FAM76B: variants seen among roughly 807,000 people sequenced by gnomAD.
FAM76B encodes protein FAM76B.
A neutral mutation model predicts 51.8 loss-of-function variants in FAM76B; 16 were observed. The ratio of observed to expected loss-of-function variants is 0.31; its 90% confidence interval spans 0.21 to 0.47. The LOEUF is 0.47. FAM76B is among the 20% of genes least tolerant of loss of function. The pLI is 1.00. For synonymous variants in FAM76B, 166 were observed against 129.5 expected (o/e 1.28, Z -1.91); for missense variants, 342 against 392.6 (o/e 0.87, Z 1.09).
chr11:95,776,801 TTTTTAATG>T (rs1275487575), intron 8 of FAM76B, among the ~76,000 whole-genome samples: 1 of 151,388 alleles, frequency 6.6e-6, no homozygotes, highest in East Asian at 1.9e-4. Flanking sequence ...TCCAGGTTAT[TTTTTAATG>T]TTTTTCATTA....
In FAM76B at chr11:95,774,491, C is replaced by A. The variant is rs192752714; in HGVS notation, c.930+1431G>T. Among the ~76,000 whole-genome samples, 380 of 151,366 alleles carry A rather than the reference C, an allele frequency of 2.5e-3. 1 individual carries two copies. Among genetic ancestry groups the A allele is most frequent in the African/African-American group, 8.9e-3 (368 of 41,432 alleles). ...AACTGCTCTTTTGAACAGTGGGGAGCACTAAGTTAAAACATATCTGAGCAC... is the reference window on the plus strand; with the variant it reads ...AACTGCTCTTTTGAACAGTGGGGAGAACTAAGTTAAAACATATCTGAGCAC... On this transcript the variant is annotated intron_variant, in intron 9 of 9. Coordinates refer to ENST00000358780, the MANE Select transcript of FAM76B (RefSeq NM_144664.5).
intron 9 of FAM76B, among the ~76,000 whole-genome samples, chr11:95,775,638 CA>C (rs3838347): frequency 0.065 from 9,845 of 151,268 alleles, 405 homozygotes; most frequent in Middle Eastern, 0.13. Context: ...GCTATAAGCC[CA>C]ATAATTAATT....
chr11:95,770,095 A>G lies in FAM76B; in HGVS notation c.*1466T>C, dbSNP rs1328873081. Reference sequence around the variant, plus strand: ...ATGAAGCAAATTTATCTTTGCCCATAAATTATTAAGAGAAGCAACTCACTC... The same window carrying G: ...ATGAAGCAAATTTATCTTTGCCCATGAATTATTAAGAGAAGCAACTCACTC... On this transcript the variant is annotated 3_prime_UTR_variant, in exon 10 of 10. Transcript: ENST00000358780. The G allele has an allele frequency of 6.6e-6, 1 of 151,570 alleles. No homozygotes were observed. The highest frequency in any genetic ancestry group is 2.4e-5 in the African/African-American group (1 of 41,396). The allele number at this position is 151,570 out of a possible 1,614,324, so 9.4% of individuals were successfully genotyped here. A position where few individuals can be genotyped will look rare whatever the true frequency, so the allele number is the denominator to read the frequency against.
chr11:95,776,372 A>AAT (rs1860008606), intron 8 of FAM76B, among the ~76,000 whole-genome samples: 1 of 151,548 alleles, frequency 6.6e-6, no homozygotes, highest in African/African-American at 2.4e-5. Context: ...AATGTACTTC[A>AAT]ATAATAGTAA....
chr11:95,786,327 T>C (rs2120296867), intron 3 of FAM76B, 53 bp from the exon 4 acceptor site: 7 of 1,597,500 alleles, frequency 4.4e-6, no homozygotes, highest in South Asian at 1.1e-5. Flanking sequence ...ATTTGCGGCA[T>C]AGCATATACC....
intron 1 of FAM76B, 64 bp from the exon 2 acceptor site, chr11:95,788,627 G>A (rs1450041046): frequency 5.3e-6 from 8 of 1,505,312 alleles, no homozygotes; most frequent in African/African-American, 1.4e-5. Context: ...TTTTCTGGTA[G>A]AAAACTGTTT....
At chr11:95,773,197 T>C (rs1421826182) in intron 9 of FAM76B, among the ~76,000 whole-genome samples, 1 of 151,136 alleles carries the variant, frequency 6.6e-6, no homozygotes, top group Non-Finnish European at 1.5e-5. Context: ...ATTTGAACAT[T>C]AGGTCTTCAA....
intron 9 of FAM76B, among the ~76,000 whole-genome samples, chr11:95,774,863 A>G (rs1191552096): frequency 6.6e-6 from 1 of 151,300 alleles, no homozygotes; most frequent in Non-Finnish European, 1.5e-5. Context: ...TAATAGTATG[A>G]TAGGGATTAA....
rs1037008629 is a variant in FAM76B, at chr11:95,769,511, T to C, written c.*2050A>G. On this transcript the variant is annotated 3_prime_UTR_variant, in exon 10 of 10. Transcript: ENST00000358780. ...CCATTTTAATGTTAGCTAATATTAA[T>C]ATTCAACTTTTTAATTTTGATGTTA... 6.6e-6 allele frequency: 1 copy of C among 152,168 alleles called. No individual in the cohort carries two copies. Among genetic ancestry groups the C allele is most frequent in the Non-Finnish European group, 1.5e-5 (1 of 67,764 alleles). 9.4% of individuals were successfully genotyped at this position (152,168 alleles called of 1,614,324 possible). A position where few individuals can be genotyped will look rare whatever the true frequency, so the allele number is the denominator to read the frequency against.
intron 1 of FAM76B, 198 bp from the exon 2 acceptor site, chr11:95,788,761 C>G: frequency 7.1e-7 from 1 of 1,399,948 alleles, no homozygotes; most frequent in East Asian, 2.6e-5. Flanking sequence ...GTGTCTTTGT[C>G]TTTAGTAGAC....
At position 95,789,387 on chromosome 11, in the gene FAM76B, C is replaced by T; in HGVS notation, c.87+5G>A. 6.3e-7 allele frequency: 1 copy of T among 1,593,344 alleles called. No homozygotes were observed. The highest frequency in any genetic ancestry group is 1.1e-5 in the South Asian group (1 of 87,836). On this transcript the variant is annotated splice_donor_5th_base_variant and intron_variant, in intron 1 of 9. Coordinates refer to ENST00000358780, the MANE Select transcript of FAM76B (RefSeq NM_144664.5). ...CATCCCGCCCGCCTCCCGGAGCCCA[C>T]GGACCTTGCAGAGCTGCTGGCCCTG...
chr11:95,787,771 C>A, intron 2 of FAM76B, 93 bp from the exon 3 acceptor site: 2 of 1,097,662 alleles, frequency 1.8e-6, no homozygotes, highest in Non-Finnish European at 2.6e-6. Flanking sequence ...ATTTGTTGTA[C>A]TTAAAACTTT....
At chr11:95,773,458 C>CAAAAAAAAA (rs56008636) in intron 9 of FAM76B, among the ~76,000 whole-genome samples, 6 of 127,786 alleles carry the variant, frequency 4.7e-5, no homozygotes, top group East Asian at 2.2e-4. Flanking sequence ...TGCAGCCAGC[C>CAAAAAAAAA]AAAAAAAAAA....
intron 7 of FAM76B, 42 bp from the exon 8 acceptor site, chr11:95,778,999 G>C: frequency 6.2e-7 from 1 of 1,601,808 alleles, no homozygotes; most frequent in Non-Finnish European, 8.5e-7. Context: ...GAAGTAGAAG[G>C]AAAATTAGCA....
At chr11:95,775,350 T>C (rs1051229842) in intron 9 of FAM76B, among the ~76,000 whole-genome samples, 3 of 151,408 alleles carry the variant, frequency 2.0e-5, no homozygotes, top group Admixed American at 6.6e-5. Flanking sequence ...AGTTGTTCTG[T>C]ATACTTAAAC....
At chr11:95,786,434 C>T (rs1860593053) in intron 3 of FAM76B, 160 bp from the exon 4 acceptor site, 4 of 655,562 alleles carry the variant, frequency 6.1e-6, no homozygotes, top group South Asian at 4.9e-5. Flanking sequence ...AACTTTTATA[C>T]CATATTTCTA....
intron 1 of FAM76B, chr11:95,788,809 G>A: frequency 6.8e-7 from 1 of 1,467,850 alleles, no homozygotes; most frequent in Non-Finnish European, 9.1e-7. Context: ...AAAGCTGTCA[G>A]GGCCTATTTC....
chr11:95,772,463 G>T (rs890844099), intron 9 of FAM76B, among the ~76,000 whole-genome samples: 1 of 151,118 alleles, frequency 6.6e-6, no homozygotes, highest in African/African-American at 2.4e-5. Context: ...ACCTTATTCA[G>T]TCTCTTAAAT....
In FAM76B at chr11:95,771,391, T is replaced by C. The variant is rs1859758723; in HGVS notation, c.*170A>G. On this transcript the variant is annotated 3_prime_UTR_variant, in exon 10 of 10. Transcript: ENST00000358780. ...CAAACCAGTTGAAGTTTTATTTGAA[T>C]GTTTTACAACTTAAAAAATGCTGTA... The C allele has an allele frequency of 2.0e-6, 1 of 501,200 alleles. No individual in the cohort carries two copies. Among genetic ancestry groups the C allele is most frequent in the Non-Finnish European group, 3.6e-6 (1 of 278,672 alleles). 31.0% of individuals were successfully genotyped at this position (501,200 alleles called of 1,614,324 possible).
Sources: allele counts gnomAD v4.1 joint callset (sites outside exome capture counted in the v4.1 genomes callset), GRCh38; gene constraint gnomAD v4.1.1; transcripts MANE v1.5; gene names NCBI Gene and HGNC (gene_info 2026-07-23, HGNC 2026-07-21).